The following BNC2 variants were observed in gnomAD, a reference collection of about 807,000 sequenced individuals.
The protein encoded by BNC2 is zinc finger protein basonuclin-2.
In BNC2, 20 loss-of-function variants were observed where a neutral mutation model predicts 76.3. The observed-to-expected ratio is 0.26, with a 90% CI of 0.18 to 0.38. The LOEUF is 0.38. Ranked by LOEUF, BNC2 falls within the 10% of genes least tolerant of loss-of-function variation. The pLI is 1.00. For missense variants in BNC2, 1,382 were observed against 1,399.8 expected (o/e 0.99, Z 0.20); for synonymous variants, 582 against 514.8 (o/e 1.13, Z -1.77).
intron 3 of BNC2, among the ~76,000 whole-genome samples, chr9:16,710,329 T>A (rs1438152342): frequency 6.6e-6 from 1 of 152,154 alleles, no homozygotes; most frequent in African/African-American, 2.4e-5. Flanking sequence ...TCACACAGAG[T>A]CCATTGAAAA....
intron 6 of BNC2, among the ~76,000 whole-genome samples, chr9:16,433,097 T>C (rs1011731903): frequency 3.9e-5 from 6 of 152,292 alleles, no homozygotes; most frequent in African/African-American, 7.2e-5. Flanking sequence ...ATGGCATCAC[T>C]GGTTATTTGG....
intron 4 of BNC2, among the ~76,000 whole-genome samples, chr9:16,566,265 T>C (rs1021815427): frequency 1.1e-4 from 16 of 152,158 alleles, no homozygotes; most frequent in African/African-American, 3.1e-4. Context: ...GTAATCATAC[T>C]GTTGGATGGA....
intron 4 of BNC2, chr9:16,575,459 T>C: frequency 1.0e-6 from 1 of 985,108 alleles, no homozygotes; most frequent in Non-Finnish European, 1.2e-6. Flanking sequence ...GCCCAGGACT[T>C]TGAAGGGGAG....
chr9:16,695,514 T>A (rs1000705567), intron 3 of BNC2, among the ~76,000 whole-genome samples: 1 of 147,514 alleles, frequency 6.8e-6, no homozygotes, highest in African/African-American at 2.5e-5. Context: ...TCTTTTTAGC[T>A]AAATTTTTTT....
intron 5 of BNC2, among the ~76,000 whole-genome samples, chr9:16,457,783 C>T (rs1821486865): frequency 6.6e-6 from 1 of 152,170 alleles, no homozygotes; most frequent in South Asian, 2.1e-4. Context: ...TCCCAAAATC[C>T]AAGTTCCTGG....
intron 5 of BNC2, among the ~76,000 whole-genome samples, chr9:16,522,348 C>A (rs151156588): frequency 6.6e-6 from 1 of 152,172 alleles, no homozygotes; most frequent in South Asian, 2.1e-4. Context: ...CTAGCATGCC[C>A]GATTGATATA....
intron 5 of BNC2, among the ~76,000 whole-genome samples, chr9:16,529,317 AT>A (rs1817907882): frequency 6.6e-6 from 1 of 152,192 alleles, no homozygotes. Flanking sequence ...AAACAGTAGG[AT>A]ATAAGAAAAA....
intron 5 of BNC2, among the ~76,000 whole-genome samples, chr9:16,511,737 T>C (rs1167570922): frequency 6.6e-6 from 1 of 152,082 alleles, no homozygotes; most frequent in Admixed American, 6.6e-5. Context: ...GGCTAATAAA[T>C]ATACTCTTAA....
At chr9:16,423,733 C>T (rs1415593574) in intron 6 of BNC2, among the ~76,000 whole-genome samples, 2 of 152,128 alleles carry the variant, frequency 1.3e-5, no homozygotes, top group South Asian at 2.1e-4. Context: ...GTGATCCTGA[C>T]GCTATTAATA....
intron 1 of BNC2, among the ~76,000 whole-genome samples, chr9:16,854,990 C>T (rs572253797): frequency 6.6e-6 from 1 of 151,978 alleles, no homozygotes; most frequent in East Asian, 2.0e-4. Context: ...ATTCCAACCC[C>T]ATAAAGAGAT....
At chr9:16,755,769 G>A (rs1036529344) in intron 1 of BNC2, among the ~76,000 whole-genome samples, 6 of 152,072 alleles carry the variant, frequency 3.9e-5, no homozygotes, top group Non-Finnish European at 1.5e-5. Flanking sequence ...CTCCTCCAGC[G>A]CTGCCTACCT....
intron 5 of BNC2, among the ~76,000 whole-genome samples, chr9:16,533,538 G>C (rs1161823313): frequency 1.3e-5 from 2 of 152,108 alleles, no homozygotes; most frequent in Non-Finnish European, 2.9e-5. Flanking sequence ...GTTACTTTTG[G>C]TTAAACATGT....
chr9:16,650,365 C>T (rs749350216), intron 3 of BNC2, among the ~76,000 whole-genome samples: 1 of 152,136 alleles, frequency 6.6e-6, no homozygotes, highest in Non-Finnish European at 1.5e-5. Context: ...GTTAGGGCAT[C>T]ACTGATGTGT....
intron 5 of BNC2, among the ~76,000 whole-genome samples, chr9:16,484,174 G>C (rs1822114245): frequency 6.6e-6 from 1 of 152,076 alleles, no homozygotes. Context: ...TCTGTCTCTT[G>C]TTAAATTTTG....
chr9:16,558,078 G>T (rs1818893858), intron 4 of BNC2, among the ~76,000 whole-genome samples: 1 of 151,978 alleles, frequency 6.6e-6, no homozygotes, highest in South Asian at 2.1e-4. Context: ...GAACTTCTGG[G>T]CTCAAGTGAT....
chr9:16,738,316 G>A, intron 2 of BNC2, 44 bp downstream of exon 2: 1 of 1,586,894 alleles, frequency 6.3e-7, no homozygotes, highest in Non-Finnish European at 8.6e-7. Context: ...AAGAATGCAA[G>A]TGTGTCCAAG....
chr9:16,547,054 A>T (rs151227244), intron 5 of BNC2, among the ~76,000 whole-genome samples: 1,943 of 152,350 alleles, frequency 0.013, 24 homozygotes, highest in Non-Finnish European at 0.019. Flanking sequence ...CACTTCTGTG[A>T]TCAGGGGAAA....
chr9:16,442,982 C>T (rs377122488), intron 5 of BNC2, among the ~76,000 whole-genome samples: 3 of 150,890 alleles, frequency 2.0e-5, no homozygotes, highest in Admixed American at 6.6e-5. Context: ...GCAGAGGGCA[C>T]CTCTAACCCC....
intron 3 of BNC2, among the ~76,000 whole-genome samples, chr9:16,592,615 A>G (rs1819961347): frequency 6.6e-6 from 1 of 152,196 alleles, no homozygotes; most frequent in Non-Finnish European, 1.5e-5. Flanking sequence ...CTAACCATAA[A>G]TATAGTAAAA....
Sources: allele counts gnomAD v4.1 joint callset (sites outside exome capture counted in the v4.1 genomes callset), GRCh38; gene constraint gnomAD v4.1.1; transcripts MANE v1.5; gene names NCBI Gene and HGNC (gene_info 2026-07-23, HGNC 2026-07-21).